Variants in DNAH9 observed in about 807,000 individuals in gnomAD.
DNAH9 encodes dynein axonemal heavy chain 9, also known as DNAH9 variant protein.
Under a neutral mutation model 471.6 loss-of-function variants are expected in DNAH9, and 345 were observed. The observed-to-expected ratio is 0.73, with a 90% CI of 0.67 to 0.80. DNAH9 has a LOEUF of 0.80. Ranked by LOEUF, DNAH9 falls within the 30% of genes least tolerant of loss-of-function variation. The pLI is 0.00. For synonymous variants in DNAH9, 2,093 were observed against 2,123.6 expected, an observed-to-expected ratio of 0.99 and a Z score of 0.40; for missense variants, 5,407 against 5,609.2, an observed-to-expected ratio of 0.96 and a Z score of 1.15.
chr17:11,846,687 T>G (rs1597727849), intron 49 of DNAH9, among the ~76,000 whole-genome samples: 1 of 134,332 alleles, frequency 7.4e-6, no homozygotes, highest in Non-Finnish European at 1.6e-5. Flanking sequence ...CCTTGAGCAG[T>G]GGTTTGTAGT....
chr17:11,880,573 A>G (rs1972680010), intron 54 of DNAH9, among the ~76,000 whole-genome samples: 1 of 152,164 alleles, frequency 6.6e-6, no homozygotes, highest in African/African-American at 2.4e-5. Flanking sequence ...TGTCAATTTA[A>G]TGAGTCTCTG....
chr17:11,711,903 TATTTG>T (rs1433860230), intron 26 of DNAH9, among the ~76,000 whole-genome samples: 8 of 10,704 alleles, frequency 7.5e-4, no homozygotes, highest in African/African-American at 1.7e-3. Context: ...TAAATATATA[TATTTG>T]TATATATATT....
At chr17:11,852,834 A>G (rs1433127322) in intron 49 of DNAH9, among the ~76,000 whole-genome samples, 4,463 of 130,692 alleles carry the variant, frequency 0.034, 488 homozygotes, top group African/African-American at 0.13. Context: ...ATATATATAT[A>G]TATATATATA....
chr17:11,930,901 ACT>A (rs1216731030), intron 63 of DNAH9, among the ~76,000 whole-genome samples: 5 of 152,142 alleles, frequency 3.3e-5, no homozygotes, highest in Admixed American at 2.6e-4. Context: ...CTCCAGAGAG[ACT>A]CAGAATATCA....
At chr17:11,752,425 G>A (rs1484770819) in intron 32 of DNAH9, among the ~76,000 whole-genome samples, 1 of 152,148 alleles carries the variant, frequency 6.6e-6, no homozygotes, top group Non-Finnish European at 1.5e-5. Context: ...TGCACCTTGG[G>A]CACTGCCAGG....
At chr17:11,844,918 T>A (rs151178868) in intron 49 of DNAH9, among the ~76,000 whole-genome samples, 1 of 152,204 alleles carries the variant, frequency 6.6e-6, no homozygotes. Flanking sequence ...TTGAGCTTTT[T>A]TTCATAGGTT....
chr17:11,876,362 T>C lies in DNAH9; in HGVS notation c.10478+1178T>C, dbSNP rs1454978209. 5.3e-5 allele frequency among the ~76,000 whole-genome samples: 8 copies of C among 152,268 alleles called. No homozygotes were observed. The East Asian group carries it at 1.5e-3, about 29-fold the overall frequency. On this transcript the variant is annotated intron_variant, in intron 53 of 68. Coordinates refer to ENST00000262442, the MANE Select transcript of DNAH9 (RefSeq NM_001372.4). Reference sequence around the variant, plus strand: ...GTGATTATTATGCATAGCATCCCTGTATCAAAATAGCTTATGTACCCCATA... The same window carrying C: ...GTGATTATTATGCATAGCATCCCTGCATCAAAATAGCTTATGTACCCCATA...
intron 26 of DNAH9, among the ~76,000 whole-genome samples, chr17:11,715,035 G>C (rs1371866616): frequency 6.6e-6 from 1 of 152,186 alleles, no homozygotes; most frequent in Non-Finnish European, 1.5e-5. Flanking sequence ...TTAAGGCACT[G>C]AGTGCGTGGT....
intron 43 of DNAH9, among the ~76,000 whole-genome samples, chr17:11,798,032 C>T (rs1051706545): frequency 1.3e-5 from 2 of 151,992 alleles, no homozygotes; most frequent in African/African-American, 2.4e-5. Context: ...TTTGCTATCC[C>T]GGGCATAATC....
intron 1 of DNAH9, among the ~76,000 whole-genome samples, 196 bp downstream of exon 1, chr17:11,599,111 T>C (rs2072330857): frequency 6.8e-6 from 1 of 146,406 alleles, no homozygotes; most frequent in African/African-American, 2.5e-5. Flanking sequence ...AGGAAGAAAA[T>C]GGGATGGGGT....
At position 11,626,429 on chromosome 17, in the gene DNAH9, C is replaced by T. The variant is rs1346111637; in HGVS notation, c.1351-2988C>T. On this transcript the variant is annotated intron_variant, in intron 6 of 68. Coordinates refer to ENST00000262442, the MANE Select transcript of DNAH9 (RefSeq NM_001372.4). This position sits in a 1 kb window ranked among gnomAD's most constrained non-coding sequence, Gnocchi z 4.3. Reference sequence around the variant, plus strand: ...GGTGTCTATAGTTGTAAGACAATTTCCTAGCTGCTTCAGAAATCTTTTCTG... The same window carrying T: ...GGTGTCTATAGTTGTAAGACAATTTTCTAGCTGCTTCAGAAATCTTTTCTG... 6.6e-6 allele frequency among the ~76,000 whole-genome samples: 1 copy of T among 152,176 alleles called. No homozygotes were observed. The highest frequency in any genetic ancestry group is 1.5e-5 in the Non-Finnish European group (1 of 68,036).
chr17:11,866,500 G>A lies in DNAH9; in HGVS notation c.9934-2634G>A, dbSNP rs545614726. On this transcript the variant is annotated intron_variant, in intron 50 of 68. Coordinates refer to ENST00000262442, the MANE Select transcript of DNAH9 (RefSeq NM_001372.4). ...ACCCACTTGAGGAGGCAGTCTGCCC[G>A]TTCTCAGATCTCCAGCTGCATGCTG... Among the ~76,000 whole-genome samples the A allele has an allele frequency of 9.1e-4, 138 of 152,112 alleles. 1 individual carries two copies. The South Asian group carries it at 0.011, about 13-fold the overall frequency.
chr17:11,862,578 G>A (rs1971898773), intron 50 of DNAH9, among the ~76,000 whole-genome samples: 1 of 151,404 alleles, frequency 6.6e-6, no homozygotes, highest in Non-Finnish European at 1.5e-5. Flanking sequence ...TAGCTTGATG[G>A]GGATGGCATT....
chr17:11,833,517 A>G (rs1299938473), intron 48 of DNAH9, among the ~76,000 whole-genome samples: 1 of 152,088 alleles, frequency 6.6e-6, no homozygotes, highest in Non-Finnish European at 1.5e-5. Flanking sequence ...CTGATGTTCT[A>G]TGTGATTGGT....
At chr17:11,665,117 G>T in intron 15 of DNAH9, 149 bp downstream of exon 15, 1 of 690,306 alleles carries the variant, frequency 1.4e-6, no homozygotes, top group East Asian at 2.6e-5. Context: ...AAACAGAAAA[G>T]GTATCGAACT....
In DNAH9 at chr17:11,961,976, C is replaced by G. The variant is rs138162394; in HGVS notation, c.12953C>G (p.Ala4318Gly). The G allele has an allele frequency of 6.2e-6, 10 of 1,614,062 alleles. No individual in the cohort carries two copies. The highest frequency in any genetic ancestry group is 1.3e-5 in the African/African-American group (1 of 74,910). Residue 4318 changes from alanine (A) to glycine (G), a missense_variant, in exon 68 of 69, where the codon GCA becomes GGA. By Grantham distance (60) the Ala-to-Gly change is moderately conservative. Coordinates refer to ENST00000262442, the MANE Select transcript of DNAH9 (RefSeq NM_001372.4). ...GCCTACCCTTCCACAGCAGGCCTGG[C>G]AGCCTGGTTTCCAGACCTCCTCAAC... is the stretch of plus-strand genomic sequence containing the variant. ...RRAYPSTAGL[A>G]AWFPDLLNRI... is the part of the protein sequence containing the mutation.
chr17:11,636,258 C>T lies in DNAH9; in HGVS notation c.1636-376C>T, dbSNP rs376130819. The stretch of plus-strand genomic sequence containing the variant: ...TGACCTCGTGATCCACCCACCTGGG[C>T]CTCCCAAAGTGCTGAAATTACAGGC... On this transcript the variant is annotated intron_variant, in intron 8 of 68. Transcript: ENST00000262442. Among the ~76,000 whole-genome samples, 7 of 152,268 alleles carry T rather than the reference C, an allele frequency of 4.6e-5. 1 individual carries two copies. The East Asian group carries it at 7.7e-4, about 17-fold the overall frequency.
intron 39 of DNAH9, among the ~76,000 whole-genome samples, chr17:11,782,461 C>A (rs1272289523): frequency 1.3e-5 from 2 of 152,186 alleles, no homozygotes; most frequent in Non-Finnish European, 2.9e-5. Context: ...CTATACAACT[C>A]ACCCGTGTCC....
chr17:11,797,832 CCT>C (rs1969301598), intron 43 of DNAH9, 39 bp downstream of exon 43: 1 of 1,584,360 alleles, frequency 6.3e-7, no homozygotes, highest in Non-Finnish European at 8.6e-7. Flanking sequence ...TCAGTTGCTT[CCT>C]CTTCCCAATG....
Sources: gnomAD v4.1 joint callset for allele counts (sites outside exome capture counted in the v4.1 genomes callset) on GRCh38, gnomAD v4.1.1 for gene constraint, Gnocchi (gnomAD v3.1) non-coding constraint, MANE v1.5 for transcripts, NCBI Gene and HGNC (gene_info 2026-07-23, HGNC 2026-07-21) for gene names.